Variants in COBLL1 observed in about 807,000 individuals in gnomAD.
The protein encoded by COBLL1 is cordon-bleu WH2 repeat protein like 1, also known as cordon-bleu protein-like 1.
In COBLL1, 50 loss-of-function variants were observed where a neutral mutation model predicts 94.8. That is an observed-to-expected ratio of 0.53 (90% CI 0.42 to 0.67). The LOEUF is 0.67. Ranked by LOEUF, COBLL1 falls within the 30% of genes least tolerant of loss-of-function variation. The pLI is 0.00. For synonymous variants in COBLL1, 448 were observed against 473.8 expected (o/e 0.95, Z 0.71); for missense variants, 1,362 against 1,348.7 (o/e 1.01, Z -0.15).
At chr2:164,792,917 C>T (rs139388144) in intron 2 of COBLL1, among the ~76,000 whole-genome samples, 12 of 152,154 alleles carry the variant, frequency 7.9e-5, no homozygotes, top group African/African-American at 2.9e-4. Flanking sequence ...GGAATGTCTC[C>T]TTGGAATGAA....
intron 9 of COBLL1, among the ~76,000 whole-genome samples, chr2:164,701,282 T>C (rs1161428600): frequency 6.6e-6 from 1 of 152,106 alleles, no homozygotes; most frequent in Non-Finnish European, 1.5e-5. Flanking sequence ...TCAGAATCTC[T>C]GAAGGGTGGG....
intron 3 of COBLL1, among the ~76,000 whole-genome samples, chr2:164,737,096 A>G (rs1686347608): frequency 6.6e-6 from 1 of 152,156 alleles, no homozygotes; most frequent in South Asian, 2.1e-4. Flanking sequence ...CCAGAGTTTG[A>G]GGCTGCAGTG....
intron 7 of COBLL1, among the ~76,000 whole-genome samples, chr2:164,710,636 C>G (rs1427792253): frequency 6.7e-6 from 1 of 150,056 alleles, no homozygotes; most frequent in Non-Finnish European, 1.5e-5. Context: ...GCGATCTCAG[C>G]TCACTGCAAC....
intron 2 of COBLL1, among the ~76,000 whole-genome samples, chr2:164,790,247 C>T (rs991368352): frequency 3.3e-5 from 5 of 152,000 alleles, no homozygotes; most frequent in East Asian, 1.9e-4. Context: ...TCCCAGTGTA[C>T]GTGAGGGTGG....
At chr2:164,720,845 T>C (rs954135806) in intron 7 of COBLL1, among the ~76,000 whole-genome samples, 4 of 152,170 alleles carry the variant, frequency 2.6e-5, no homozygotes, top group South Asian at 2.1e-4. Flanking sequence ...CTCAAGCAGT[T>C]ACCCTGCAAA....
intron 7 of COBLL1, among the ~76,000 whole-genome samples, chr2:164,714,369 T>C (rs1351754450): frequency 2.3e-5 from 1 of 42,620 alleles, no homozygotes; most frequent in Non-Finnish European, 5.0e-5. Flanking sequence ...ACATCTTGGA[T>C]GAAAAAAAAA....
chr2:164,774,069 C>A (rs1014394237), intron 2 of COBLL1, among the ~76,000 whole-genome samples: 3 of 152,074 alleles, frequency 2.0e-5, no homozygotes, highest in Non-Finnish European at 4.4e-5. Context: ...TATACAAAAT[C>A]TTTAATTATC....
intron 2 of COBLL1, among the ~76,000 whole-genome samples, chr2:164,838,811 A>T: frequency 6.6e-6 from 1 of 152,234 alleles, no homozygotes; most frequent in Non-Finnish European, 1.5e-5. Context: ...ATGAGTTATG[A>T]TATAATTAGT....
chr2:164,828,586 G>A (rs1235445551), intron 2 of COBLL1, among the ~76,000 whole-genome samples: 1 of 152,086 alleles, frequency 6.6e-6, no homozygotes, highest in Non-Finnish European at 1.5e-5. Context: ...GTATAAAAAA[G>A]GGAGAAATTA....
chr2:164,764,917 G>A (rs760536156), intron 2 of COBLL1, among the ~76,000 whole-genome samples: 4 of 152,136 alleles, frequency 2.6e-5, no homozygotes, highest in Non-Finnish European at 4.4e-5. Flanking sequence ...CATTTATACT[G>A]CCTGAAATAC....
At position 164,658,246 on chromosome 2, in the gene COBLL1, A is replaced by C. The variant is rs948227120; in HGVS notation, n.182-4332T>G. On this transcript the variant is annotated intron_variant and non_coding_transcript_variant, in intron 2 of 2. Transcript: ENST00000495084. ...GGAAATCCAGCTAGTCCTGTCTCTC[A>C]GTCCCCCCTCTCAACAGGAAAACCC... Among the ~76,000 whole-genome samples, 110 of 152,144 alleles carry C rather than the reference A, an allele frequency of 7.2e-4. 1 individual carries two copies. The highest frequency in any genetic ancestry group is 1.8e-4 in the Non-Finnish European group (12 of 68,034).
intron 2 of COBLL1, among the ~76,000 whole-genome samples, chr2:164,784,492 A>C (rs1688856144): frequency 6.6e-6 from 1 of 152,148 alleles, no homozygotes. Flanking sequence ...TAATTATTTC[A>C]TGTGGCTGCT....
intron 2 of COBLL1, among the ~76,000 whole-genome samples, chr2:164,815,924 G>A (rs355796): frequency 1 from 151,798 of 152,208 alleles, 75,698 homozygotes; most frequent in East Asian, 1. Context: ...TTAGACCATC[G>A]AAATCCTAAT....
At chr2:164,691,964 G>C (rs1213515849) in intron 13 of COBLL1, among the ~76,000 whole-genome samples, 2 of 151,836 alleles carry the variant, frequency 1.3e-5, no homozygotes, top group Admixed American at 1.3e-4. Context: ...CAGAGTCCAG[G>C]GTATTCTCTA....
Position 164,743,513 on chromosome 2 carries a change from C to T in COBLL1, c.230+174G>A, listed in dbSNP as rs1021843060. On this transcript the variant is annotated intron_variant, in intron 3 of 13. Coordinates refer to ENST00000652658, the MANE Select transcript of COBLL1 (RefSeq NM_001365672.2). ...GGAATTCATAGCACTGATATTAAAA[C>T]ATTGATAGAAAATTTTTAACACCAT... The T allele has an allele frequency of 8.7e-6, 5 of 577,130 alleles. No individual in the cohort carries two copies. In the Admixed American group the frequency reaches 9.6e-5, roughly 11 times the overall value. 35.8% of individuals were successfully genotyped at this position (577,130 alleles called of 1,614,324 possible). A position where few individuals can be genotyped will look rare whatever the true frequency, so the allele number is the denominator to read the frequency against.
rs2105404100 is a variant in COBLL1, at chr2:164,685,257, G to GA, written c.*688dup. 6.6e-6 allele frequency: 1 copy of GA among 151,992 alleles called. No homozygotes were observed. The highest frequency in any genetic ancestry group is 1.5e-5 in the Non-Finnish European group (1 of 67,942). 9.4% of individuals were successfully genotyped at this position (151,992 alleles called of 1,614,324 possible). ...TGTGACAATGTCATAATTATATACA[G>GA]AAAATATTTAAAATTCTTGTAGAAT... On this transcript the variant is annotated 3_prime_UTR_variant, in exon 14 of 14. Transcript: ENST00000652658.
chr2:164,804,110 C>CAA lies in COBLL1; in HGVS notation c.41+37044_41+37045dup, dbSNP rs71393642. Reference sequence around the variant, plus strand: ...TTACATGACCAATGTTAGGCCTTAGCAAAAAAAAAAAAAAAAGGACATGTT... The same window carrying CAA: ...TTACATGACCAATGTTAGGCCTTAGCAAAAAAAAAAAAAAAAAAGGACATGTT... On this transcript the variant is annotated intron_variant, in intron 2 of 13. Transcript: ENST00000652658. Among the ~76,000 whole-genome samples the CAA allele has an allele frequency of 4.2e-3, 345 of 82,404 alleles. 2 individuals are homozygous for CAA. Among genetic ancestry groups the CAA allele is most frequent in the East Asian group, 0.012 (23 of 1,970 alleles). 54.1% of individuals were successfully genotyped at this position (82,404 alleles called of 152,430 possible).
chr2:164,665,187 C>G (rs1047060485), intron 2 of COBLL1, among the ~76,000 whole-genome samples: 1 of 151,802 alleles, frequency 6.6e-6, no homozygotes, highest in Non-Finnish European at 1.5e-5. Context: ...AAAAATTAGC[C>G]AGGTGTGGTG....
chr2:164,704,420 C>T (rs765388208), intron 9 of COBLL1, 24 bp downstream of exon 9: 10 of 1,481,100 alleles, frequency 6.8e-6, no homozygotes, highest in Non-Finnish European at 8.5e-6. Context: ...AGTAATTACA[C>T]CATGTAGAAT....
Sources: gnomAD v4.1 joint callset for allele counts (sites outside exome capture counted in the v4.1 genomes callset) on GRCh38, gnomAD v4.1.1 for gene constraint, MANE v1.5 for transcripts, NCBI Gene and HGNC (gene_info 2026-07-23, HGNC 2026-07-21) for gene names.